Variants in PRELID2 observed in about 807,000 individuals in gnomAD.
PRELID2 encodes PRELI domain-containing protein 2.
In PRELID2, 25 loss-of-function variants were observed where a neutral mutation model predicts 28.4. The ratio of observed to expected loss-of-function variants is 0.88; its 90% CI spans 0.64 to 1.23. The LOEUF is 1.23. Ranked by LOEUF, PRELID2 falls within the 50% of genes most tolerant of loss-of-function variation. The pLI, the probability that PRELID2 is intolerant of heterozygous loss-of-function variation, is 0.00. For missense variants in PRELID2, 201 were observed against 214.4 expected (o/e 0.94, Z 0.39); for synonymous variants, 76 against 71.6 (o/e 1.06, Z -0.31).
chr5:145,387,017 T>C, the PRELID2 span, among the ~76,000 whole-genome samples: 2 of 152,178 alleles, frequency 1.3e-5, no homozygotes, highest in African/African-American at 4.8e-5. Context: ...TGACATAGCT[T>C]TATTATGTAT....
chr5:145,326,494 G>T, the PRELID2 span, among the ~76,000 whole-genome samples: 4 of 152,126 alleles, frequency 2.6e-5, no homozygotes, highest in African/African-American at 9.7e-5. Flanking sequence ...CTCATTTCAA[G>T]AATTACTATA....
the PRELID2 span, among the ~76,000 whole-genome samples, chr5:145,354,204 T>C: frequency 1.3e-5 from 2 of 151,374 alleles, no homozygotes; most frequent in African/African-American, 4.9e-5. Flanking sequence ...ATTCGACGAC[T>C]TTCCTTGAGA....
the PRELID2 span, among the ~76,000 whole-genome samples, chr5:145,373,722 A>G: frequency 1.8e-5 from 1 of 54,484 alleles, no homozygotes; most frequent in Non-Finnish European, 3.1e-5. Context: ...AATATATATG[A>G]TATTATATAT....
the PRELID2 span, among the ~76,000 whole-genome samples, chr5:145,346,534 C>G: frequency 9.2e-5 from 14 of 152,136 alleles, no homozygotes; most frequent in Non-Finnish European, 1.8e-4. Context: ...GATAGCCTAA[C>G]AGGGCTGTTC....
At chr5:145,565,744 G>A (rs986982818) in intron 1 of PRELID2, among the ~76,000 whole-genome samples, 1 of 152,178 alleles carries the variant, frequency 6.6e-6, no homozygotes, top group East Asian at 1.9e-4. Context: ...TCTCAACTCT[G>A]CTCATTCACA....
the PRELID2 span, among the ~76,000 whole-genome samples, chr5:145,317,510 G>A: frequency 3.9e-5 from 6 of 152,182 alleles, no homozygotes; most frequent in African/African-American, 9.6e-5. Flanking sequence ...AACAAAGAGC[G>A]AGGGAGGACT....
chr5:145,311,583 C>T, the PRELID2 span, among the ~76,000 whole-genome samples: 2 of 152,164 alleles, frequency 1.3e-5, no homozygotes, highest in Admixed American at 6.5e-5. Flanking sequence ...GATTTTTATG[C>T]ACTATTTTCT....
Position 145,550,367 on chromosome 5 carries a change from C to T in PRELID2, n.71-77052G>A, listed in dbSNP as rs1752824064. On this transcript the variant is annotated intron_variant and non_coding_transcript_variant, in intron 1 of 2. Coordinates refer to the PRELID2 transcript ENST00000510259. ...ACCAGGACCTATTAAACCAGACTCT[C>T]AGTAAATGAAACCAAGAATTTATTT... Among the ~76,000 whole-genome samples, 4 of 152,220 alleles carry T rather than the reference C, an allele frequency of 2.6e-5. No individual in the cohort carries two copies. In the South Asian group the frequency reaches 8.3e-4, roughly 32 times the overall value.
At chr5:145,413,331 T>G in the PRELID2 span, among the ~76,000 whole-genome samples, 1 of 110,754 alleles carries the variant, frequency 9.0e-6, no homozygotes, top group South Asian at 2.7e-4. Flanking sequence ...AGATAAAATA[T>G]AATAGAAGTT....
At chr5:145,343,404 G>A in the PRELID2 span, among the ~76,000 whole-genome samples, 1 of 151,528 alleles carries the variant, frequency 6.6e-6, no homozygotes, top group Non-Finnish European at 1.5e-5. Flanking sequence ...TGGGAATTAA[G>A]CAACATGCTC....
At chr5:145,603,513 A>G (rs1580996238) in intron 1 of PRELID2, among the ~76,000 whole-genome samples, 1 of 152,202 alleles carries the variant, frequency 6.6e-6, no homozygotes, top group Non-Finnish European at 1.5e-5. Context: ...TTTCAAACAA[A>G]GAACTGATAG....
At chr5:145,617,595 C>T (rs114673678) in intron 1 of PRELID2, among the ~76,000 whole-genome samples, 2,822 of 152,152 alleles carry the variant, frequency 0.019, 47 homozygotes, top group African/African-American at 0.034. Flanking sequence ...TGAGTTAATT[C>T]GAAGGCCTTG....
chr5:145,375,036 C>T, the PRELID2 span, among the ~76,000 whole-genome samples: 1 of 152,134 alleles, frequency 6.6e-6, no homozygotes, highest in Admixed American at 6.6e-5. Flanking sequence ...TGGAGAGACA[C>T]TGTGATCATT....
chr5:145,651,928 T>C (rs1754304962), intron 1 of PRELID2, among the ~76,000 whole-genome samples: 1 of 152,080 alleles, frequency 6.6e-6, no homozygotes, highest in Admixed American at 6.5e-5. Flanking sequence ...AGTTGAGAGA[T>C]AAAGGCTTCA....
intron 1 of PRELID2, among the ~76,000 whole-genome samples, chr5:145,506,820 G>T (rs988052945): frequency 1.3e-5 from 2 of 152,150 alleles, no homozygotes; most frequent in African/African-American, 2.4e-5. Flanking sequence ...ACATTTATTC[G>T]TGGCTGGCTC....
At chr5:145,683,122 G>T (rs938021113) in intron 1 of PRELID2, among the ~76,000 whole-genome samples, 2 of 152,150 alleles carry the variant, frequency 1.3e-5, no homozygotes, top group African/African-American at 4.8e-5. Flanking sequence ...GAACAGTTAA[G>T]AACCTAGGTA....
chr5:145,824,513 A>T (rs959024627), intron 1 of PRELID2, among the ~76,000 whole-genome samples: 1 of 150,472 alleles, frequency 6.6e-6, no homozygotes, highest in African/African-American at 2.4e-5. Context: ...CATCATTTTA[A>T]CACATTCTTA....
At chr5:145,337,711 A>G in the PRELID2 span, among the ~76,000 whole-genome samples, 1 of 52,172 alleles carries the variant, frequency 1.9e-5, no homozygotes. Flanking sequence ...ATATATATAT[A>G]TATATATATA....
chr5:145,338,848 T>C, the PRELID2 span, among the ~76,000 whole-genome samples: 1 of 152,240 alleles, frequency 6.6e-6, no homozygotes, highest in Admixed American at 6.5e-5. Context: ...TACTATTCAC[T>C]ATGCCCTTGT....
Sources: gnomAD v4.1 joint callset for allele counts (sites outside exome capture counted in the v4.1 genomes callset) on GRCh38, gnomAD v4.1.1 for gene constraint, MANE v1.5 for transcripts, NCBI Gene and HGNC (gene_info 2026-07-23, HGNC 2026-07-21) for gene names.